RSU1: variants seen among roughly 807,000 people sequenced by gnomAD.
RSU1 encodes the protein Ras suppressor protein 1.
Under a neutral mutation model 31.1 loss-of-function variants are expected in RSU1, and 26 were observed. The observed-to-expected ratio is 0.84, with a 90% CI of 0.61 to 1.16. RSU1 has a LOEUF of 1.16. Among genes scored for constraint, RSU1 ranks in the 50% most tolerant of loss-of-function variants. The pLI, the probability that RSU1 is intolerant of heterozygous loss-of-function variation, is 0.00. For synonymous variants in RSU1, 164 were observed against 136.3 expected (o/e 1.20, Z -1.41); for missense variants, 320 against 339.1 (o/e 0.94, Z 0.44).
chr10:16,796,150 G>A (rs752841624), intron 2 of RSU1, among the ~76,000 whole-genome samples: 37 of 152,210 alleles, frequency 2.4e-4, no homozygotes, highest in East Asian at 5.8e-4. Context: ...GCTCTTACCC[G>A]AAGGCAAAAC....
At chr10:16,756,753 G>GTCAT (rs1330809376) in intron 4 of RSU1, among the ~76,000 whole-genome samples, 5 of 152,162 alleles carry the variant, frequency 3.3e-5, no homozygotes, top group Non-Finnish European at 7.3e-5. Context: ...GACTGCATGA[G>GTCAT]TCATTGTGTT....
chr10:16,791,581 T>C (rs12355366), intron 2 of RSU1, among the ~76,000 whole-genome samples: 33,083 of 144,872 alleles, frequency 0.23, 3,796 homozygotes, highest in Middle Eastern at 0.28. Context: ...GTGACCGACA[T>C]CACACCACTG....
intron 2 of RSU1, among the ~76,000 whole-genome samples, chr10:16,795,353 C>CAAAAAAAAAAAAAAAAAAAAAAAAAAA (rs532677802): frequency 1.3e-5 from 1 of 75,240 alleles, no homozygotes; most frequent in Admixed American, 1.5e-4. Flanking sequence ...GACTCCATCT[C>CAAAAAAAAAAAAAAAAAAAAAAAAAAA]AAAAAAAAAA....
At chr10:16,798,562 T>A (rs968780041) in intron 2 of RSU1, among the ~76,000 whole-genome samples, 2 of 152,194 alleles carry the variant, frequency 1.3e-5, no homozygotes, top group African/African-American at 4.8e-5. Context: ...GGCACCTTGC[T>A]TTCCCTTCCG....
At chr10:16,682,392 G>A (rs751379433) in intron 8 of RSU1, among the ~76,000 whole-genome samples, 4 of 152,084 alleles carry the variant, frequency 2.6e-5, no homozygotes, top group African/African-American at 7.2e-5. Context: ...CTGATATCCC[G>A]ATATCTGGAA....
At chr10:16,714,435 T>C (rs1836089988) in intron 7 of RSU1, among the ~76,000 whole-genome samples, 1 of 152,180 alleles carries the variant, frequency 6.6e-6, no homozygotes, top group Admixed American at 6.5e-5. Context: ...CAGCTGCTCT[T>C]TGGGTGTCTG....
intron 7 of RSU1, among the ~76,000 whole-genome samples, chr10:16,704,426 A>G (rs1835854402): frequency 6.6e-6 from 1 of 152,234 alleles, no homozygotes; most frequent in South Asian, 2.1e-4. Flanking sequence ...TCATGTGACT[A>G]GTAGGCAGCC....
chr10:16,795,077 G>A (rs574574953), intron 2 of RSU1, among the ~76,000 whole-genome samples: 53 of 152,276 alleles, frequency 3.5e-4, no homozygotes, highest in South Asian at 2.9e-3. Flanking sequence ...GAACAGTCCC[G>A]GCGTGGTGGC....
At chr10:16,808,485 GAAAAAAAAAA>G (rs34449677) in intron 2 of RSU1, among the ~76,000 whole-genome samples, 18 of 89,616 alleles carry the variant, frequency 2.0e-4, no homozygotes, top group Non-Finnish European at 4.5e-5. Flanking sequence ...CTCCATTTAA[GAAAAAAAAAA>G]AAAAAAAAAA....
At chr10:16,804,670 T>C (rs1341767166) in intron 2 of RSU1, among the ~76,000 whole-genome samples, 1 of 152,164 alleles carries the variant, frequency 6.6e-6, no homozygotes, top group Non-Finnish European at 1.5e-5. Context: ...CAAAAAGACA[T>C]GGCGGAATCT....
chr10:16,759,499 C>G (rs1341929662), intron 4 of RSU1, among the ~76,000 whole-genome samples: 2 of 152,108 alleles, frequency 1.3e-5, no homozygotes, highest in Non-Finnish European at 2.9e-5. Flanking sequence ...AGAGTGAGAT[C>G]TTGTCTCAAA....
chr10:16,704,531 A>C (rs1180116506), intron 7 of RSU1, among the ~76,000 whole-genome samples: 1 of 152,162 alleles, frequency 6.6e-6, no homozygotes, highest in Admixed American at 6.5e-5. Context: ...TCCTTTCAAA[A>C]GGTATTGAAT....
intron 8 of RSU1, among the ~76,000 whole-genome samples, chr10:16,638,579 G>T (rs1213748741): frequency 6.6e-6 from 1 of 152,198 alleles, no homozygotes; most frequent in Non-Finnish European, 1.5e-5. Flanking sequence ...TCTTTGAGAG[G>T]TTCGTTTTGG....
chr10:16,675,034 AAAAT>A (rs1213191097), intron 8 of RSU1, among the ~76,000 whole-genome samples: 3 of 151,866 alleles, frequency 2.0e-5, no homozygotes, highest in South Asian at 4.2e-4. Flanking sequence ...CCCTGTATCA[AAAAT>A]AAATAAATAA....
intron 2 of RSU1, among the ~76,000 whole-genome samples, chr10:16,814,914 T>A (rs925541612): frequency 5.3e-5 from 8 of 152,192 alleles, no homozygotes; most frequent in African/African-American, 1.9e-4. Context: ...TTCTCCCCAT[T>A]TATAAATATT....
chr10:16,593,210 T>C lies in RSU1; in HGVS notation c.*184A>G, dbSNP rs994039945. The C allele has an allele frequency of 2.7e-5, 32 of 1,183,350 alleles. No homozygotes were observed. Among genetic ancestry groups the C allele is most frequent in the Non-Finnish European group, 3.6e-5 (32 of 877,440 alleles). 73.3% of individuals were successfully genotyped at this position (1,183,350 alleles called of 1,614,324 possible). A position where few individuals can be genotyped will look rare whatever the true frequency, so the allele number is the denominator to read the frequency against. ...ACAAATGGAAATGGTTTAAAGACCT[T>C]ATAACAATCTCCCACCTAGCAAAAG... On this transcript the variant is annotated 3_prime_UTR_variant, in exon 9 of 9. Coordinates refer to ENST00000345264, the MANE Select transcript of RSU1 (RefSeq NM_012425.4).
intron 8 of RSU1, among the ~76,000 whole-genome samples, chr10:16,603,318 C>T (rs571706596): frequency 3.2e-4 from 49 of 152,294 alleles, no homozygotes; most frequent in East Asian, 3.9e-4. Context: ...TCACGATCTG[C>T]CCCACTGGAG....
At chr10:16,698,939 C>G (rs142616615) in intron 7 of RSU1, among the ~76,000 whole-genome samples, 1 of 152,146 alleles carries the variant, frequency 6.6e-6, no homozygotes, top group African/African-American at 2.4e-5. Flanking sequence ...TCAAGCAATG[C>G]TACTAAATTA....
At chr10:16,792,067 G>A (rs1287367020) in intron 2 of RSU1, among the ~76,000 whole-genome samples, 1 of 152,196 alleles carries the variant, frequency 6.6e-6, no homozygotes, top group Non-Finnish European at 1.5e-5. Context: ...ATGGAACTTG[G>A]AAGTTTCTAA....
Sources: gnomAD v4.1 joint callset for allele counts (sites outside exome capture counted in the v4.1 genomes callset) on GRCh38, gnomAD v4.1.1 for gene constraint, MANE v1.5 for transcripts, NCBI Gene and HGNC (gene_info 2026-07-23, HGNC 2026-07-21) for gene names.